NLRP4: variants seen among roughly 807,000 people sequenced by gnomAD.
NLRP4 encodes NACHT, LRR and PYD domains-containing protein 4.
Under a neutral mutation model 84.7 loss-of-function variants are expected in NLRP4, and 44 were observed. The ratio of observed to expected loss-of-function variants is 0.52; its 90% CI spans 0.41 to 0.67. The LOEUF is 0.67. Among genes scored for constraint, NLRP4 ranks in the 30% least tolerant of loss-of-function variants. The pLI, the probability that NLRP4 is intolerant of heterozygous loss-of-function variation, is 0.00. For synonymous variants in NLRP4, 544 were observed against 476.4 expected (o/e 1.14, Z -1.85); for missense variants, 1,260 against 1,219.4 (o/e 1.03, Z -0.50).
At chr19:55,840,833 C>G (rs1288716780) in intron 1 of NLRP4, among the ~76,000 whole-genome samples, 1 of 152,150 alleles carries the variant, frequency 6.6e-6, no homozygotes, top group African/African-American at 2.4e-5. Flanking sequence ...GTCTGCTTTT[C>G]TGGTATCAAT....
rs117875311 is a variant in NLRP4, at chr19:55,839,214, G to C, written c.-66+2280G>C. 4.1e-3 allele frequency among the ~76,000 whole-genome samples: 623 copies of C among 151,976 alleles called. 2 individuals carry two copies. Among genetic ancestry groups the C allele is most frequent in the Non-Finnish European group, 6.6e-3 (447 of 67,990 alleles). The stretch of plus-strand genomic sequence containing the variant: ...CTTATTGTTCAACTCACACTTCTGT[G>C]TGAGAACATGCAGTGTTTGGTTTTC... On this transcript the variant is annotated intron_variant, in intron 1 of 9. Transcript: ENST00000301295.
At chr19:55,850,862 G>T (rs549205207) in intron 1 of NLRP4, among the ~76,000 whole-genome samples, 1 of 79,952 alleles carries the variant, frequency 1.3e-5, no homozygotes, top group Non-Finnish European at 2.0e-5. Context: ...AGGCTGCGGT[G>T]TAATTTACGA....
rs199475746 is a variant in NLRP4, at chr19:55,857,976, G to C, written c.583G>C (p.Glu195Gln). The part of the protein sequence containing the change: ...TFYFCCRELR[E>Q]LPPTSLADLI... ...CTATTTCTGCTGCAGAGAACTGAGGGAGTTGCCGCCAACGAGTTTGGCTGA... is the reference window on the plus strand; with the variant it reads ...CTATTTCTGCTGCAGAGAACTGAGGCAGTTGCCGCCAACGAGTTTGGCTGA... The change falls in exon 3 of 10, where the codon GAG becomes CAG. Residue 195 changes from glutamate to glutamine, a missense_variant. Glu to Gln is a conservative substitution (Grantham distance 29, BLOSUM62 2). Coordinates refer to ENST00000301295, the MANE Select transcript of NLRP4 (RefSeq NM_134444.5). 1.9e-6 allele frequency: 3 copies of C among 1,614,104 alleles called. No homozygotes were observed. Among genetic ancestry groups the C allele is most frequent in the African/African-American group, 2.7e-5 (2 of 75,030 alleles).
intron 2 of NLRP4, among the ~76,000 whole-genome samples, chr19:55,856,702 G>C (rs1261511902): frequency 1.3e-5 from 2 of 152,044 alleles, no homozygotes; most frequent in East Asian, 3.9e-4. Context: ...TTTTAGTAGA[G>C]ACAGGGTTTC....
intron 1 of NLRP4, among the ~76,000 whole-genome samples, chr19:55,851,389 CCGAGGCTGCGGTGTAATTTA>C (rs1466860927): frequency 4.6e-5 from 3 of 65,374 alleles, no homozygotes; most frequent in East Asian, 5.0e-4. Context: ...GGTGTAATGT[CCGAGGCTGCGGTGTAATTTA>C]CGAGGCTGCG....
At chr19:55,871,846 CTTTT>C (rs376627745) in intron 7 of NLRP4, among the ~76,000 whole-genome samples, 1 of 142,106 alleles carries the variant, frequency 7.0e-6, no homozygotes, top group Non-Finnish European at 1.6e-5. Flanking sequence ...CAGAAATAAT[CTTTT>C]TTTTTTTTTT....
At position 55,862,110 on chromosome 19, in the gene NLRP4, T is replaced by A. The variant is rs1427222370; in HGVS notation, c.2137T>A (p.Ser713Thr). The part of the protein sequence containing the change: ...LTKLSRDDIR[S>T]LCDALNYPAG... ...GAAACTCTCTCGTGATGACATCAGG[T>A]CCCTCTGTGATGCCTTGAACTACCC... Residue 713 changes from serine to threonine, a missense_variant, in exon 5 of 10, where the codon TCC becomes ACC. This residue lies in a region of NLRP4 where 544 missense variants were observed against 531.7 expected (regional missense o/e 1.02). Coordinates refer to ENST00000301295, the MANE Select transcript of NLRP4 (RefSeq NM_134444.5). 6.2e-7 allele frequency: 1 copy of A among 1,613,906 alleles called. No homozygotes were observed. The highest frequency in any genetic ancestry group is 8.5e-7 in the Non-Finnish European group (1 of 1,179,758).
intron 1 of NLRP4, among the ~76,000 whole-genome samples, chr19:55,844,352 C>G (rs1983715270): frequency 6.6e-6 from 1 of 151,932 alleles, no homozygotes; most frequent in Non-Finnish European, 1.5e-5. Context: ...GGCATGATCT[C>G]AGCTCACTGT....
At chr19:55,879,390 C>A (rs760225370) in intron 9 of NLRP4, among the ~76,000 whole-genome samples, 1 of 152,098 alleles carries the variant, frequency 6.6e-6, no homozygotes, top group South Asian at 2.1e-4. Flanking sequence ...GTTTTATAGA[C>A]GAGCTGGTGG....
At chr19:55,880,465 A>G (rs1215947741) in intron 9 of NLRP4, among the ~76,000 whole-genome samples, 1 of 152,216 alleles carries the variant, frequency 6.6e-6, no homozygotes, top group Non-Finnish European at 1.5e-5. Context: ...TCTACAAAAT[A>G]GGGATGATTA....
chr19:55,864,661 C>G (rs537272048), intron 5 of NLRP4, among the ~76,000 whole-genome samples: 1 of 152,204 alleles, frequency 6.6e-6, no homozygotes, highest in Non-Finnish European at 1.5e-5. Flanking sequence ...CTGCACAATT[C>G]TGTATTCCTA....
At chr19:55,875,081 G>A (rs947626505) in intron 7 of NLRP4, among the ~76,000 whole-genome samples, 3 of 152,058 alleles carry the variant, frequency 2.0e-5, no homozygotes, top group African/African-American at 7.2e-5. Context: ...AACTATTTGG[G>A]AACTTCCTTG....
chr19:55,860,686 C>T (rs1305827212), intron 3 of NLRP4, among the ~76,000 whole-genome samples: 2 of 152,150 alleles, frequency 1.3e-5, no homozygotes, highest in African/African-American at 4.8e-5. Flanking sequence ...AGTCAAGGAT[C>T]CTGTATTTAG....
Position 55,858,985 on chromosome 19 carries a change from T to A in NLRP4, c.1592T>A (p.Ile531Asn). The A allele has an allele frequency of 6.2e-7, 1 of 1,614,132 alleles. No individual in the cohort carries two copies. The highest frequency in any genetic ancestry group is 8.5e-7 in the Non-Finnish European group (1 of 1,180,022). ...CTGTCCCAAGAGATAAAGCAGCAAA[T>A]TCACCAGTGCCTGAAGAGCTTAGGG... ...FQLSQEIKQQIHQCLKSLGER... is the reference protein window; with the variant it reads ...FQLSQEIKQQNHQCLKSLGER... Residue 531 changes from isoleucine to asparagine, a missense_variant, in exon 3 of 10, where the codon ATT becomes AAT. Ile to Asn is a moderately radical substitution (Grantham distance 149). Transcript: ENST00000301295. This position sits in a 1 kb window ranked among gnomAD's most constrained non-coding sequence, Gnocchi z 4.2.
chr19:55,879,309 A>G (rs1985498773), intron 9 of NLRP4, among the ~76,000 whole-genome samples: 1 of 152,162 alleles, frequency 6.6e-6, no homozygotes, highest in African/African-American at 2.4e-5. Context: ...AGGCAAAAGA[A>G]AGAAGAGCTG....
In NLRP4 at chr19:55,862,482, G is replaced by GT. The variant is rs11461998; in HGVS notation, c.2186+325dup. ...AGAGAAGACTATAGCGTAAGTCTCC[G>GT]TTATTGAGACCACTGATTGGGTTTC... On this transcript the variant is annotated intron_variant, in intron 5 of 9. Transcript: ENST00000301295. Among the ~76,000 whole-genome samples the GT allele has an allele frequency of 1.2e-4, 2 of 16,114 alleles. 1 individual carries two copies. The highest frequency in any genetic ancestry group is 6.5e-4 in the African/African-American group (2 of 3,080). The allele number at this position is 16,114 out of a possible 152,430, so 10.6% of individuals were successfully genotyped here.
intron 2 of NLRP4, among the ~76,000 whole-genome samples, chr19:55,854,869 G>A (rs563844651): frequency 6.6e-5 from 10 of 152,180 alleles, no homozygotes; most frequent in East Asian, 3.9e-4. Context: ...ATTATAAGGC[G>A]CTCACCACCA....
chr19:55,843,476 A>G (rs947189847), intron 1 of NLRP4, among the ~76,000 whole-genome samples: 4 of 151,816 alleles, frequency 2.6e-5, no homozygotes, highest in Admixed American at 2.6e-4. Flanking sequence ...GGATCTCCTG[A>G]GGTCAGGAGT....
chr19:55,837,565 T>A (rs1199397086), intron 1 of NLRP4, among the ~76,000 whole-genome samples: 1 of 151,646 alleles, frequency 6.6e-6, no homozygotes, highest in Non-Finnish European at 1.5e-5. Flanking sequence ...CAATAAAAGT[T>A]GGTTTTTACT....
Sources: allele counts gnomAD v4.1 joint callset (sites outside exome capture counted in the v4.1 genomes callset), GRCh38; gene constraint gnomAD v4.1.1; regional missense constraint gnomAD v4.1.1; non-coding constraint Gnocchi (gnomAD v3.1); transcripts MANE v1.5; gene names NCBI Gene and HGNC (gene_info 2026-07-23, HGNC 2026-07-21).